Variants in ABCB5 observed in about 807,000 individuals in gnomAD.
ABCB5 encodes the protein ATP-binding cassette sub-family B member 5.
Under a neutral mutation model 144.2 loss-of-function variants are expected in ABCB5, and 155 were observed. The ratio of observed to expected loss-of-function variants is 1.08; its 90% confidence interval spans 0.94 to 1.23. The LOEUF is 1.23. Among genes scored for constraint, ABCB5 ranks in the 50% most tolerant of loss-of-function variants. ABCB5 has a pLI of 0.00. For missense variants in ABCB5, 1,830 were observed against 1,520.8 expected (o/e 1.20, Z -3.38); for synonymous variants, 610 against 528.6 (o/e 1.15, Z -2.11).
At chr7:20,721,192 T>C (rs1011108276) in intron 20 of ABCB5, among the ~76,000 whole-genome samples, 1 of 152,198 alleles carries the variant, frequency 6.6e-6, no homozygotes, top group African/African-American at 2.4e-5. Context: ...ACATCATCTC[T>C]AAGTATGCAG....
At chr7:20,617,348 T>C (rs1483821214) in intron 1 of ABCB5, among the ~76,000 whole-genome samples, 1 of 152,222 alleles carries the variant, frequency 6.6e-6, no homozygotes, top group Non-Finnish European at 1.5e-5. Flanking sequence ...CCTAGGTAGG[T>C]GTCTGATATC....
At chr7:20,698,876 G>T (rs1241535994) in intron 17 of ABCB5, among the ~76,000 whole-genome samples, 1 of 152,152 alleles carries the variant, frequency 6.6e-6, no homozygotes, top group Non-Finnish European at 1.5e-5. Context: ...TTCAATTAGT[G>T]GGTATAGTTG....
chr7:20,632,266 A>G (rs912522873), intron 5 of ABCB5, among the ~76,000 whole-genome samples, 153 bp downstream of exon 5: 4 of 152,204 alleles, frequency 2.6e-5, no homozygotes, highest in Non-Finnish European at 5.9e-5. Flanking sequence ...AGGTATATAA[A>G]ATACAATTAG....
rs556927654 is a variant in ABCB5 at position 20,644,597 on chromosome 7, C to G, written c.678+965C>G. On this transcript the variant is annotated intron_variant, in intron 7 of 27. Transcript: ENST00000404938. ...GATACTCTGTGAAATCTAAAAACAA[C>G]AAATGTATCTGTAATATTATTCTTC... is the stretch of plus-strand genomic sequence containing the variant. Among the ~76,000 whole-genome samples the G allele has an allele frequency of 6.0e-4, 91 of 152,204 alleles. 1 individual carries two copies. The highest frequency in any genetic ancestry group is 3.7e-3 in the Admixed American group (57 of 15,294).
intron 1 of ABCB5, 88 bp downstream of exon 1, chr7:20,615,925 T>C (rs1188705396): frequency 6.6e-6 from 1 of 152,296 alleles, no homozygotes; most frequent in Non-Finnish European, 1.5e-5. Context: ...GAAAGAATAG[T>C]TTGTGGTAAA....
At chr7:20,694,555 A>G (rs545295569) in intron 16 of ABCB5, among the ~76,000 whole-genome samples, 2 of 152,210 alleles carry the variant, frequency 1.3e-5, no homozygotes, top group Admixed American at 1.3e-4. Flanking sequence ...AAGGGCATAC[A>G]CTACATCTAT....
chr7:20,669,750 A>G (rs557843904), intron 14 of ABCB5, among the ~76,000 whole-genome samples: 46 of 146,030 alleles, frequency 3.2e-4, no homozygotes, highest in African/African-American at 1.1e-3. Flanking sequence ...AAAAGAAAAT[A>G]ACATTCGTAA....
At chr7:20,718,322 A>C (rs1781754332) in intron 20 of ABCB5, among the ~76,000 whole-genome samples, 1 of 152,130 alleles carries the variant, frequency 6.6e-6, no homozygotes, top group South Asian at 2.1e-4. Flanking sequence ...TTTTATCCTT[A>C]AACTTCCAGG....
chr7:20,647,326 G>C, intron 9 of ABCB5: 2 of 1,317,756 alleles, frequency 1.5e-6, no homozygotes, highest in Non-Finnish European at 9.6e-7. Context: ...AGGATACTTG[G>C]ATTAATCTGT....
chr7:20,741,790 G>GCA (rs374037490), intron 24 of ABCB5, among the ~76,000 whole-genome samples: 1 of 151,214 alleles, frequency 6.6e-6, no homozygotes, highest in Non-Finnish European at 1.5e-5. Flanking sequence ...ACACACACAT[G>GCA]CACACACACA....
intron 12 of ABCB5, among the ~76,000 whole-genome samples, chr7:20,650,526 G>A (rs1340420168): frequency 6.6e-6 from 1 of 151,524 alleles, no homozygotes; most frequent in South Asian, 2.1e-4. Context: ...TTCAAAGTTT[G>A]TTCCAGAAGA....
intron 16 of ABCB5, among the ~76,000 whole-genome samples, chr7:20,692,333 T>C (rs1408674969): frequency 1.3e-5 from 2 of 151,900 alleles, no homozygotes; most frequent in African/African-American, 4.8e-5. Context: ...TGGAGCAATA[T>C]TTTCAAAGCA....
At chr7:20,667,096 A>T (rs1785223961) in intron 14 of ABCB5, 7 of 656,944 alleles carry the variant, frequency 1.1e-5, no homozygotes, top group Non-Finnish European at 1.3e-5. Flanking sequence ...ATGTAGGCCC[A>T]TTTTATGGAC....
chr7:20,624,866 C>T (rs1783874230), intron 2 of ABCB5, among the ~76,000 whole-genome samples: 1 of 152,244 alleles, frequency 6.6e-6, no homozygotes, highest in African/African-American at 2.4e-5. Context: ...CAGGCTCCGC[C>T]CTTGGCCTTT....
intron 14 of ABCB5, among the ~76,000 whole-genome samples, chr7:20,680,204 T>C (rs985634183): frequency 6.6e-6 from 1 of 151,722 alleles, no homozygotes; most frequent in Non-Finnish European, 1.5e-5. Flanking sequence ...TACCAGAAAA[T>C]CAAAACAAGT....
intron 20 of ABCB5, among the ~76,000 whole-genome samples, chr7:20,719,456 T>C (rs566033858): frequency 1.3e-5 from 2 of 152,302 alleles, no homozygotes; most frequent in South Asian, 4.1e-4. Flanking sequence ...TGAAACCAAT[T>C]TATAATGTGC....
intron 2 of ABCB5, among the ~76,000 whole-genome samples, chr7:20,623,929 T>C (rs1287787502): frequency 1.3e-5 from 2 of 152,176 alleles, no homozygotes; most frequent in African/African-American, 4.8e-5. Flanking sequence ...ATTCAGAAAA[T>C]AGCCAGAGAG....
In ABCB5 at chr7:20,643,210, G is replaced by A; in HGVS notation, c.341G>A (p.Gly114Asp). 6.2e-7 allele frequency: 1 copy of A among 1,612,578 alleles called. No individual in the cohort carries two copies. The highest frequency in any genetic ancestry group is 8.5e-7 in the Non-Finnish European group (1 of 1,179,082). The part of the protein sequence containing the change: ...TLLTLYYVGI[G>D]VAALIFGYIQ... ...TTGACCCTGTATTATGTTGGAATAG[G>A]TGTTGCTGCCTTGATTTTTGGTTAC... The change falls in exon 6 of 28, where the codon GGT (glycine) becomes GAT (aspartate). Residue 114 changes from glycine to aspartate, a missense_variant. Transcript: ENST00000404938.
chr7:20,650,632 A>T (rs1583394272), intron 12 of ABCB5, among the ~76,000 whole-genome samples: 1 of 151,682 alleles, frequency 6.6e-6, no homozygotes, highest in East Asian at 1.9e-4. Context: ...TAAGTGGCAT[A>T]GAGGATAAGA....
Sources: gnomAD v4.1 joint callset for allele counts (sites outside exome capture counted in the v4.1 genomes callset) on GRCh38, gnomAD v4.1.1 for gene constraint, MANE v1.5 for transcripts, NCBI Gene and HGNC (gene_info 2026-07-23, HGNC 2026-07-21) for gene names.